The following PRKAR2B variants were observed in gnomAD, a reference collection of about 807,000 sequenced individuals.
The protein encoded by PRKAR2B is cAMP-dependent protein kinase type II-beta regulatory subunit.
Under a neutral mutation model 49.9 loss-of-function variants are expected in PRKAR2B, and 14 were observed. The ratio of observed to expected loss-of-function variants is 0.28; its 90% CI spans 0.19 to 0.44. The LOEUF (loss-of-function observed/expected upper bound fraction) is 0.44. PRKAR2B is among the 20% of genes least tolerant of loss of function. The probability of loss-of-function intolerance (pLI) is 1.00; values close to 1 mark genes in which losing one functional copy is unlikely to be tolerated. For missense variants in PRKAR2B, 393 were observed against 537.9 expected, an observed-to-expected ratio of 0.73 and a Z score of 2.67; for synonymous variants, 196 against 197.7, an observed-to-expected ratio of 0.99 and a Z score of 0.07.
intron 1 of PRKAR2B, among the ~76,000 whole-genome samples, chr7:107,048,713 C>T (rs1793747305): frequency 6.6e-6 from 1 of 152,204 alleles, no homozygotes; most frequent in Non-Finnish European, 1.5e-5. Flanking sequence ...AGCAAACAGT[C>T]AGATGGGTGA....
intron 1 of PRKAR2B, among the ~76,000 whole-genome samples, chr7:107,053,807 G>C (rs1342047444): frequency 6.6e-6 from 1 of 152,068 alleles, no homozygotes. Context: ...ATAGTTTTCT[G>C]GTTAGGAATC....
chr7:107,076,313 C>T (rs741008), intron 2 of PRKAR2B, among the ~76,000 whole-genome samples: 54,316 of 152,040 alleles, frequency 0.36, 11,729 homozygotes, highest in South Asian at 0.48. Flanking sequence ...ATTTCCTCCA[C>T]TGTCCTATCA....
At chr7:107,097,371 C>A (rs1279101204) in intron 2 of PRKAR2B, among the ~76,000 whole-genome samples, 1 of 152,104 alleles carries the variant, frequency 6.6e-6, no homozygotes, top group Non-Finnish European at 1.5e-5. Context: ...GTAGATCTTC[C>A]TCCATCCCTT....
At chr7:107,045,344 C>A in intron 1 of PRKAR2B, 130 bp downstream of exon 1, 1 of 754,762 alleles carries the variant, frequency 1.3e-6, no homozygotes, top group Non-Finnish European at 2.0e-6. Context: ...TCCCTACCTT[C>A]CCATCTCGCC....
chr7:107,127,920 G>A (rs1459280375), intron 3 of PRKAR2B, among the ~76,000 whole-genome samples: 1 of 152,194 alleles, frequency 6.6e-6, no homozygotes, highest in Non-Finnish European at 1.5e-5. Flanking sequence ...ACAGTTGTGT[G>A]CATAATGAAC....
At chr7:107,108,543 C>G (rs1486960597) in intron 2 of PRKAR2B, among the ~76,000 whole-genome samples, 1 of 152,150 alleles carries the variant, frequency 6.6e-6, no homozygotes, top group African/African-American at 2.4e-5. Flanking sequence ...CCAAAAAGAT[C>G]AATGTCAAGG....
At chr7:107,086,551 C>T (rs981640518) in intron 2 of PRKAR2B, among the ~76,000 whole-genome samples, 1 of 151,882 alleles carries the variant, frequency 6.6e-6, no homozygotes, top group East Asian at 1.9e-4. Flanking sequence ...CTCAGCTCAC[C>T]CCTAGGCTCA....
chr7:107,112,174 TA>T (rs749209141), intron 2 of PRKAR2B, among the ~76,000 whole-genome samples: 253 of 44,794 alleles, frequency 5.6e-3, no homozygotes, highest in African/African-American at 0.016. Context: ...ACTGTGTCTC[TA>T]AAAAAAAAAA....
chr7:107,134,752 C>A (rs578112815), intron 4 of PRKAR2B, among the ~76,000 whole-genome samples: 1 of 152,152 alleles, frequency 6.6e-6, no homozygotes, highest in Non-Finnish European at 1.5e-5. Flanking sequence ...AGAATAGTTT[C>A]TTCAACAAAT....
chr7:107,053,425 C>G (rs980999379), intron 1 of PRKAR2B, among the ~76,000 whole-genome samples: 2 of 151,988 alleles, frequency 1.3e-5, no homozygotes, highest in Admixed American at 6.6e-5. Flanking sequence ...GTTTTGGAGA[C>G]TACAGCTGTA....
chr7:107,121,888 T>C lies in PRKAR2B; in HGVS notation c.344-64T>C, dbSNP rs1191756079. 6 of 979,468 alleles carry C rather than the reference T, an allele frequency of 6.1e-6. No individual in the cohort carries two copies. The East Asian group carries it at 1.0e-4, about 17-fold the overall frequency. The allele number at this position is 979,468 out of a possible 1,614,324, so 60.7% of individuals were successfully genotyped here. A position where few individuals can be genotyped will look rare whatever the true frequency, so the allele number is the denominator to read the frequency against. On this transcript the variant is annotated intron_variant, in intron 2 of 10. Transcript: ENST00000265717. Reference sequence around the variant, plus strand: ...CTTTTTGTTCATTAAGTGTTAACGATGTACTCATTGTAGTATGGTTTTTGA... The same window carrying C: ...CTTTTTGTTCATTAAGTGTTAACGACGTACTCATTGTAGTATGGTTTTTGA...
rs1311477174 is a variant in PRKAR2B, at chr7:107,157,104, T to C, written c.984+55T>C. On this transcript the variant is annotated intron_variant, in intron 9 of 10. Coordinates refer to ENST00000265717, the MANE Select transcript of PRKAR2B (RefSeq NM_002736.3). ...TACTGTTAGCAAGGAACACAACAGA[T>C]CTACTTTTTGATGTTTAGACTGAGG... is the stretch of plus-strand genomic sequence containing the variant. 7 of 1,607,596 alleles carry C rather than the reference T, an allele frequency of 4.4e-6. No homozygotes were observed. The South Asian group carries it at 6.6e-5, about 15-fold the overall frequency.
intron 8 of PRKAR2B, among the ~76,000 whole-genome samples, chr7:107,154,631 T>C (rs1378373389): frequency 6.6e-6 from 1 of 152,234 alleles, no homozygotes; most frequent in East Asian, 1.9e-4. Context: ...TCAACATTTA[T>C]TTTTGTGATA....
intron 2 of PRKAR2B, among the ~76,000 whole-genome samples, chr7:107,110,007 T>G (rs1023270888): frequency 6.6e-6 from 1 of 152,140 alleles, no homozygotes; most frequent in Non-Finnish European, 1.5e-5. Flanking sequence ...AAATGGCCAC[T>G]GAGGAGGGTA....
Position 107,065,849 on chromosome 7 carries a change from G to A in PRKAR2B, c.308-4432G>A, listed in dbSNP as rs561202546. Among the ~76,000 whole-genome samples, 7 of 152,306 alleles carry A rather than the reference G, an allele frequency of 4.6e-5. No individual in the cohort carries two copies. The South Asian group carries it at 6.2e-4, about 14-fold the overall frequency. On this transcript the variant is annotated intron_variant, in intron 1 of 10. Coordinates refer to ENST00000265717, the MANE Select transcript of PRKAR2B (RefSeq NM_002736.3). ...TCCTGCTGGCCTGGTGCAGAACTCC[G>A]TCCAGCAGGTATGGGAGGCTGTTTT...
chr7:107,144,231 G>A (rs1266981511), intron 5 of PRKAR2B, among the ~76,000 whole-genome samples: 1 of 151,856 alleles, frequency 6.6e-6, no homozygotes, highest in Admixed American at 6.6e-5. Context: ...GATTACAGGT[G>A]ACTGCCACCA....
intron 2 of PRKAR2B, among the ~76,000 whole-genome samples, chr7:107,081,071 A>G (rs1434598320): frequency 2.6e-5 from 4 of 152,190 alleles, no homozygotes; most frequent in African/African-American, 9.7e-5. Context: ...TTTTAACCTG[A>G]TAAAAACACC....
chr7:107,140,903 G>C lies in PRKAR2B; in HGVS notation c.537G>C (p.Glu179Asp). 6.2e-7 allele frequency: 1 copy of C among 1,613,180 alleles called. No homozygotes were observed. The highest frequency in any genetic ancestry group is 8.5e-7 in the Non-Finnish European group (1 of 1,179,484). ...TTGAAAAATTGGTCAAAGATGGGGA[G>C]CATGTAATTGATCAAGGTGACGATG... ...AMFEKLVKDG[E>D]HVIDQGDDGD... The change falls in exon 5 of 11, where the codon GAG becomes GAC. Residue 179 changes from glutamate (E) to aspartate (D), a missense_variant. By Grantham distance (45) the Glu-to-Asp change is conservative. Coordinates refer to ENST00000265717, the MANE Select transcript of PRKAR2B (RefSeq NM_002736.3).
At chr7:107,150,788 G>T in intron 6 of PRKAR2B, 134 bp from the exon 7 acceptor site, 1 of 521,874 alleles carries the variant, frequency 1.9e-6, no homozygotes, top group Non-Finnish European at 3.4e-6. Flanking sequence ...TATGAAATGA[G>T]TTGCATTAAA....
Sources: allele counts gnomAD v4.1 joint callset (sites outside exome capture counted in the v4.1 genomes callset), GRCh38; gene constraint gnomAD v4.1.1; transcripts MANE v1.5; gene names NCBI Gene and HGNC (gene_info 2026-07-23, HGNC 2026-07-21).